XPO4: variants seen among roughly 807,000 people sequenced by gnomAD.
XPO4 encodes exportin-4.
A neutral mutation model predicts 143.0 loss-of-function variants in XPO4; 39 were observed. That is an observed-to-expected ratio of 0.27 (90% CI 0.21 to 0.36). XPO4 has a LOEUF of 0.36. Ranked by LOEUF, XPO4 falls within the 10% of genes least tolerant of loss-of-function variation. The probability of loss-of-function intolerance (pLI) is 1.00; values close to 1 mark genes in which losing one functional copy is unlikely to be tolerated. For synonymous variants in XPO4, 439 were observed against 474.0 expected (o/e 0.93, Z 0.96); for missense variants, 907 against 1,348.0 (o/e 0.67, Z 5.12).
intron 6 of XPO4, among the ~76,000 whole-genome samples, chr13:20,833,669 T>C (rs960214586): frequency 2.7e-5 from 4 of 150,328 alleles, no homozygotes; most frequent in Non-Finnish European, 5.9e-5. Context: ...AATGAAAAAT[T>C]ACAGCTGAGA....
At chr13:20,869,160 T>A (rs556479394) in intron 1 of XPO4, among the ~76,000 whole-genome samples, 6 of 152,146 alleles carry the variant, frequency 3.9e-5, no homozygotes, top group Non-Finnish European at 8.8e-5. Context: ...GGATCAAATA[T>A]TATTTCACCT....
chr13:20,899,544 G>A (rs149124352), intron 1 of XPO4, among the ~76,000 whole-genome samples: 2 of 152,206 alleles, frequency 1.3e-5, no homozygotes, highest in East Asian at 3.9e-4. Flanking sequence ...TAGTCTCTCA[G>A]AGACGGTGAT....
At chr13:20,835,398 G>T (rs2059903739) in intron 6 of XPO4, among the ~76,000 whole-genome samples, 1 of 152,102 alleles carries the variant, frequency 6.6e-6, no homozygotes. Flanking sequence ...CATTTTGAAA[G>T]AAACCTAGAC....
intron 3 of XPO4, chr13:20,856,951 T>A (rs1475764457): frequency 1.1e-6 from 1 of 950,688 alleles, no homozygotes; most frequent in Admixed American, 6.2e-5. Flanking sequence ...AGCCACCCAC[T>A]CTATGCACAC....
chr13:20,840,930 G>A (rs1361737043), intron 6 of XPO4, among the ~76,000 whole-genome samples: 4 of 150,714 alleles, frequency 2.7e-5, no homozygotes, highest in African/African-American at 9.7e-5. Flanking sequence ...TGGCAACACT[G>A]CAGTATTGCT....
chr13:20,815,000 GA>G (rs1277619047), intron 9 of XPO4, among the ~76,000 whole-genome samples: 4 of 152,118 alleles, frequency 2.6e-5, no homozygotes, highest in Non-Finnish European at 5.9e-5. Flanking sequence ...ATGAAGCTTT[GA>G]AAAGAAAACT....
chr13:20,809,245 T>G lies in XPO4; in HGVS notation c.1351-20A>C, dbSNP rs778150506. On this transcript the variant is annotated intron_variant, in intron 10 of 22. Transcript: ENST00000255305. ...GGCAGTCTATTGCAAGTAAAAGAAATAAACAATGAGGAACTGCATTGCCTA... is the reference window on the plus strand; with the variant it reads ...GGCAGTCTATTGCAAGTAAAAGAAAGAAACAATGAGGAACTGCATTGCCTA... 6.2e-7 allele frequency: 1 copy of G among 1,610,342 alleles called. No individual in the cohort carries two copies. Among genetic ancestry groups the G allele is most frequent in the Non-Finnish European group, 8.5e-7 (1 of 1,178,528 alleles).
At chr13:20,895,345 G>A (rs931742179) in intron 1 of XPO4, among the ~76,000 whole-genome samples, 1 of 151,956 alleles carries the variant, frequency 6.6e-6, no homozygotes, top group Non-Finnish European at 1.5e-5. Context: ...TAGAAGTTTA[G>A]TATAGGCCAG....
intron 2 of XPO4, 58 bp downstream of exon 2, chr13:20,868,536 GAC>G (rs1437108520): frequency 6.4e-7 from 1 of 1,557,840 alleles, no homozygotes; most frequent in Non-Finnish European, 8.6e-7. Context: ...TAATGTTTAA[GAC>G]AGCAAACCCA....
At chr13:20,894,788 G>C (rs1333469024) in intron 1 of XPO4, among the ~76,000 whole-genome samples, 1 of 151,494 alleles carries the variant, frequency 6.6e-6, no homozygotes, top group East Asian at 1.9e-4. Flanking sequence ...AGGTTGCAGT[G>C]AGCCGAGATG....
chr13:20,794,187 G>A (rs1484711210), intron 18 of XPO4, among the ~76,000 whole-genome samples: 1 of 152,136 alleles, frequency 6.6e-6, no homozygotes, highest in African/African-American at 2.4e-5. Context: ...TAGGAAACAC[G>A]ATGGAATCAC....
chr13:20,861,856 T>A (rs1321369846), intron 3 of XPO4, among the ~76,000 whole-genome samples: 1 of 141,248 alleles, frequency 7.1e-6, no homozygotes, highest in African/African-American at 2.6e-5. Flanking sequence ...TGCAATGATC[T>A]CGGCTCACTG....
rs775356338 is a variant in XPO4 at position 20,817,606 on chromosome 13, C to G, written c.1173+4098G>C. 1.4e-4 allele frequency among the ~76,000 whole-genome samples: 22 copies of G among 152,250 alleles called. No individual in the cohort carries two copies. In the Middle Eastern group the frequency reaches 0.01, roughly 71 times the overall value. Reference sequence around the variant, plus strand: ...TATGAAGGCTGCTCTGTTCCTGTAGCAACATACTGCACAGCTTCACCTACT... The same window carrying G: ...TATGAAGGCTGCTCTGTTCCTGTAGGAACATACTGCACAGCTTCACCTACT... On this transcript the variant is annotated intron_variant, in intron 9 of 22. Coordinates refer to ENST00000255305, the MANE Select transcript of XPO4 (RefSeq NM_022459.5).
At chr13:20,797,831 C>T (rs1262900960) in intron 16 of XPO4, among the ~76,000 whole-genome samples, 1 of 152,098 alleles carries the variant, frequency 6.6e-6, no homozygotes, top group Non-Finnish European at 1.5e-5. Context: ...TGTGGAAATC[C>T]AAACCCCAGG....
Position 20,799,280 on chromosome 13 carries a change from C to T in XPO4, c.2207G>A (p.Arg736Gln), listed in dbSNP as rs1484889285. The T allele has an allele frequency of 3.1e-6, 5 of 1,613,984 alleles. No individual in the cohort carries two copies. The highest frequency in any genetic ancestry group is 4.2e-6 in the Non-Finnish European group (5 of 1,179,918). The change falls in exon 16 of 23, where the codon CGA (arginine) becomes CAA (glutamine). Residue 736 changes from arginine (R) to glutamine (Q), a missense_variant. Physicochemically the swap from Arg to Gln is conservative, Grantham distance 43. Transcript: ENST00000255305. ...TGACAAGAAATTAAGAGGTGGGCTT[C>T]GGCTTGCAAACTGCTTAGCTAAATT... ...WWNLAKQFAS[R>Q]SPPLNFLSSP... is the part of the protein sequence containing the mutation.
chr13:20,862,615 T>G (rs906225088), intron 3 of XPO4, 102 bp downstream of exon 3: 23 of 1,466,298 alleles, frequency 1.6e-5, no homozygotes, highest in African/African-American at 2.8e-5. Context: ...TGTGAGCCAC[T>G]ATACCCACCC....
chr13:20,866,448 A>G (rs919003441), intron 2 of XPO4: 2 of 900,976 alleles, frequency 2.2e-6, no homozygotes, highest in African/African-American at 3.6e-5. Flanking sequence ...TATAAAAATG[A>G]CACATAATCC....
chr13:20,881,142 C>T (rs2060405318), intron 1 of XPO4, among the ~76,000 whole-genome samples: 1 of 152,056 alleles, frequency 6.6e-6, no homozygotes, highest in East Asian at 1.9e-4. Flanking sequence ...GGATTAGAGG[C>T]AGGAGGAAAT....
At chr13:20,815,326 T>C (rs1411477136) in intron 9 of XPO4, among the ~76,000 whole-genome samples, 2 of 152,300 alleles carry the variant, frequency 1.3e-5, no homozygotes, top group Middle Eastern at 3.4e-3. Context: ...ATGGCGATGA[T>C]GTGTCAATGT....
Sources: allele counts gnomAD v4.1 joint callset (sites outside exome capture counted in the v4.1 genomes callset), GRCh38; gene constraint gnomAD v4.1.1; transcripts MANE v1.5; gene names NCBI Gene and HGNC (gene_info 2026-07-23, HGNC 2026-07-21).